The following CMYA5 variants were observed in gnomAD, a reference collection of about 807,000 sequenced individuals.
CMYA5 encodes cardiomyopathy-associated protein 5.
Under a neutral mutation model 318.9 loss-of-function variants are expected in CMYA5, and 246 were observed. The observed-to-expected ratio is 0.77, with a 90% CI of 0.70 to 0.86. The LOEUF is 0.86. CMYA5 is among the 40% of genes least tolerant of loss of function. CMYA5 has a pLI of 0.00. For synonymous variants in CMYA5, 1,641 were observed against 1,729.5 expected (o/e 0.95, Z 1.27); for missense variants, 4,589 against 4,678.2 (o/e 0.98, Z 0.56).
intron 6 of CMYA5, among the ~76,000 whole-genome samples, chr5:79,757,221 T>G (rs1828546687): frequency 6.6e-6 from 1 of 151,960 alleles, no homozygotes; most frequent in Non-Finnish European, 1.5e-5. Context: ...AGCATGCTAT[T>G]TTTTCAACTA....
rs769699893 is a variant in CMYA5, at chr5:79,733,140, G to A, written c.4375G>A (p.Val1459Ile). The A allele has an allele frequency of 8.1e-6, 13 of 1,613,698 alleles. No homozygotes were observed. Among genetic ancestry groups the A allele is most frequent in the East Asian group, 2.2e-5 (1 of 44,886 alleles). ...PSVSSIAEHSVLSEVEAKEVK... is the reference protein window; with the variant it reads ...PSVSSIAEHSILSEVEAKEVK... ...TGTCTCCTCTATAGCAGAGCATTCT[G>A]TTTTGTCAGAAGTAGAAGCCAAAGA... The change falls in exon 2 of 13, where the codon GTT becomes ATT. Residue 1459 changes from valine to isoleucine, a missense_variant. Transcript: ENST00000446378.
chr5:79,749,539 A>G (rs755887532), intron 5 of CMYA5, among the ~76,000 whole-genome samples: 10 of 152,226 alleles, frequency 6.6e-5, no homozygotes, highest in Non-Finnish European at 1.5e-4. Context: ...AAAAAACTCA[A>G]AGATGAACTG....
chr5:79,799,724 A>C lies in CMYA5; in HGVS notation c.*108A>C, dbSNP rs1047052009. The C allele has an allele frequency of 1.9e-5, 26 of 1,401,014 alleles. No homozygotes were observed. The highest frequency in any genetic ancestry group is 2.5e-5 in the Non-Finnish European group (26 of 1,051,386). 86.8% of individuals were successfully genotyped at this position (1,401,014 alleles called of 1,614,324 possible). A position where few individuals can be genotyped will look rare whatever the true frequency, so the allele number is the denominator to read the frequency against. On this transcript the variant is annotated 3_prime_UTR_variant, in exon 13 of 13. Coordinates refer to ENST00000446378, the MANE Select transcript of CMYA5 (RefSeq NM_153610.5). ...TTCAAAAAGTCTCCCGCGCATTTGC[A>C]CTAATGATGGCTGCATGCATAGCAA...
chr5:79,790,333 G>T (rs965943716), intron 10 of CMYA5, among the ~76,000 whole-genome samples: 29 of 151,910 alleles, frequency 1.9e-4, no homozygotes, highest in African/African-American at 6.3e-4. Flanking sequence ...GCAATGGCAC[G>T]ATCTCGGCTC....
chr5:79,757,825 T>A (rs1424825692), intron 6 of CMYA5, among the ~76,000 whole-genome samples: 1 of 152,242 alleles, frequency 6.6e-6, no homozygotes, highest in Non-Finnish European at 1.5e-5. Context: ...TATTCTCAAG[T>A]GATCCCATTT....
In CMYA5 at chr5:79,799,870, T is replaced by A; in HGVS notation, c.*254T>A. On this transcript the variant is annotated 3_prime_UTR_variant, in exon 13 of 13. Transcript: ENST00000446378. ...TATAAGTTTGAGTTCTTTCCTAAATTAAAAGATCTACACTTGAGTTGGGAA... is the reference window on the plus strand; with the variant it reads ...TATAAGTTTGAGTTCTTTCCTAAATAAAAAGATCTACACTTGAGTTGGGAA... The A allele has an allele frequency of 6.3e-5, 10 of 158,398 alleles. No homozygotes were observed. The highest frequency in any genetic ancestry group is 3.1e-4 in the South Asian group (2 of 6,384). 9.8% of individuals were successfully genotyped at this position (158,398 alleles called of 1,614,324 possible).
chr5:79,737,522 C>A lies in CMYA5; in HGVS notation c.8757C>A (p.Asp2919Glu). The A allele has an allele frequency of 6.2e-7, 1 of 1,613,444 alleles. No homozygotes were observed. Among genetic ancestry groups the A allele is most frequent in the East Asian group, 2.2e-5 (1 of 44,862 alleles). Residue 2919 changes from aspartate (D) to glutamate (E), a missense_variant, in exon 2 of 13, where the codon GAC becomes GAA. Physicochemically the swap from Asp to Glu is conservative, Grantham distance 45. Coordinates refer to ENST00000446378, the MANE Select transcript of CMYA5 (RefSeq NM_153610.5). ...SNKEMPKEPE[D>E]TYAKGEDFTV... The stretch of plus-strand genomic sequence containing the variant: ...AAGAAATGCCCAAGGAACCTGAAGA[C>A]ACATATGCAAAAGGTGAAGACTTTA...
Position 79,760,071 on chromosome 5 carries a change from TTTTG to T in CMYA5, c.11260+1179_11260+1182del, listed in dbSNP as rs527663191. ...ATCTTTCAGGCTCCAAAGTTTATTC[TTTTG>T]TTTGTTTGTCTCTGTGTGTGTTTTG... On this transcript the variant is annotated intron_variant, in intron 7 of 12. Coordinates refer to ENST00000446378, the MANE Select transcript of CMYA5 (RefSeq NM_153610.5). Among the ~76,000 whole-genome samples, 182 of 152,354 alleles carry T rather than the reference TTTTG, an allele frequency of 1.2e-3. 1 individual carries two copies. Among genetic ancestry groups the T allele is most frequent in the Admixed American group, 3.4e-3 (52 of 15,300 alleles).
chr5:79,771,190 A>G (rs1342515106), intron 9 of CMYA5, among the ~76,000 whole-genome samples: 1 of 152,150 alleles, frequency 6.6e-6, no homozygotes, highest in Non-Finnish European at 1.5e-5. Context: ...TAAAACAGAC[A>G]CTTTGAGAGG....
intron 12 of CMYA5, among the ~76,000 whole-genome samples, chr5:79,796,830 C>T (rs548358492): frequency 3.5e-5 from 5 of 144,740 alleles, no homozygotes; most frequent in Non-Finnish European, 6.0e-5. Flanking sequence ...TGCATTCATT[C>T]TTACATTTAA....
chr5:79,733,123 C>T lies in CMYA5; in HGVS notation c.4358C>T (p.Ser1453Phe), dbSNP rs1314199158. Residue 1453 changes from serine (S) to phenylalanine (F), a missense_variant, in exon 2 of 13, where the codon TCT (serine) becomes TTT (phenylalanine). This residue lies in a region of CMYA5 where 2,132 missense variants were observed against 2,131.3 expected (regional missense o/e 1.00). Transcript: ENST00000446378. ...IKFDSLPSVS[S>F]IAEHSVLSEV... ...TTTGATTCACTTCCAAGTGTCTCCTCTATAGCAGAGCATTCTGTTTTGTCA... is the reference window on the plus strand; with the variant it reads ...TTTGATTCACTTCCAAGTGTCTCCTTTATAGCAGAGCATTCTGTTTTGTCA... The T allele has an allele frequency of 6.2e-7, 1 of 1,613,804 alleles. No individual in the cohort carries two copies. The highest frequency in any genetic ancestry group is 8.5e-7 in the Non-Finnish European group (1 of 1,179,840).
At position 79,738,013 on chromosome 5, in the gene CMYA5, CAAAG is replaced by C. The variant is rs1321475713; in HGVS notation, c.9249_9252del (p.Glu3085LeufsTer10). ...AAATTAAATGTTGAAGAGAAACTCT[CAAAG>C]GAAGTTACAGAAGAAACTATCTCTT... On this transcript the variant is annotated frameshift_variant, in exon 2 of 13. Coordinates refer to ENST00000446378, the MANE Select transcript of CMYA5 (RefSeq NM_153610.5). LOFTEE classifies it high-confidence loss of function. 4.3e-6 allele frequency: 7 copies of C among 1,613,350 alleles called. No individual in the cohort carries two copies. Among genetic ancestry groups the C allele is most frequent in the Non-Finnish European group, 4.2e-6 (5 of 1,179,696 alleles).
rs149567448 is a variant in CMYA5, at chr5:79,693,909, G to A, written c.149+3853G>A. Among the ~76,000 whole-genome samples the A allele has an allele frequency of 9.6e-3, 1,459 of 152,300 alleles. 14 individuals carry two copies. The highest frequency in any genetic ancestry group is 0.065 in the Middle Eastern group (19 of 294). On this transcript the variant is annotated intron_variant, in intron 1 of 12. Transcript: ENST00000446378. ...AAGACAAATATAGCAGGATAAATGG[G>A]TGGGGTATATTTGGATGAGGTAGTG... is the stretch of plus-strand genomic sequence containing the variant.
rs1177937188 is a variant in CMYA5 at position 79,690,049 on chromosome 5, G to C, written c.142G>C (p.Asp48His). The change falls in exon 1 of 13, where the codon GAC (aspartate) becomes CAC (histidine). Residue 48 changes from aspartate to histidine, a missense_variant. Asp to His is a moderately conservative substitution (Grantham distance 81, BLOSUM62 -1). Transcript: ENST00000446378. ...ETAAESEEEP[D>H]SRLSDQDEEG... ...GGCGGCGGAGTCGGAGGAGGAGCCG[G>C]ACTCCAGGTAGCGCGAGCCTCTCTC... is the stretch of plus-strand genomic sequence containing the variant. 11 of 1,451,266 alleles carry C rather than the reference G, an allele frequency of 7.6e-6. No individual in the cohort carries two copies. The highest frequency in any genetic ancestry group is 1.0e-5 in the Non-Finnish European group (11 of 1,098,154). 89.9% of individuals were successfully genotyped at this position (1,451,266 alleles called of 1,614,324 possible).
Position 79,736,474 on chromosome 5 carries a change from G to C in CMYA5, c.7709G>C (p.Arg2570Thr). 6.2e-7 allele frequency: 1 copy of C among 1,610,918 alleles called. No homozygotes were observed. The highest frequency in any genetic ancestry group is 8.5e-7 in the Non-Finnish European group (1 of 1,178,292). The part of the protein sequence containing the change: ...YSVNVAESMS[R>T]ESDISLGHSL... ...GTGAATGTAGCCGAGTCTATGAGTA[G>C]AGAATCAGATATCTCTTTAGGTCAT... Residue 2570 changes from arginine to threonine, a missense_variant, in exon 2 of 13, where the codon AGA becomes ACA. Transcript: ENST00000446378.
intron 5 of CMYA5, among the ~76,000 whole-genome samples, chr5:79,748,535 A>G (rs1266574416): frequency 4.7e-5 from 7 of 147,674 alleles, no homozygotes; most frequent in Non-Finnish European, 1.0e-4. Context: ...CTATCTATCT[A>G]TCTATCTATC....
chr5:79,723,929 T>G (rs1827696257), intron 1 of CMYA5, among the ~76,000 whole-genome samples: 1 of 152,126 alleles, frequency 6.6e-6, no homozygotes. Context: ...GTTCAGGAGT[T>G]CAAGATTGGT....
At chr5:79,714,436 T>C (rs982755858) in intron 1 of CMYA5, among the ~76,000 whole-genome samples, 1 of 137,920 alleles carries the variant, frequency 7.3e-6, no homozygotes, top group Non-Finnish European at 1.6e-5. Flanking sequence ...TTTTTCTTTT[T>C]TTTTTTTTTT....
rs771599295 is a variant in CMYA5, at chr5:79,721,009, A to G, written c.150-7906A>G. Among the ~76,000 whole-genome samples the G allele has an allele frequency of 5.9e-5, 9 of 152,336 alleles. No homozygotes were observed. The Middle Eastern group carries it at 0.01, about 173-fold the overall frequency. ...TTAACATTTAGATTGAAAATACATAAGGACGTGTAAGTTGAAGTTAAAGGA... is the reference window on the plus strand; with the variant it reads ...TTAACATTTAGATTGAAAATACATAGGGACGTGTAAGTTGAAGTTAAAGGA... On this transcript the variant is annotated intron_variant, in intron 1 of 12. Transcript: ENST00000446378.
Sources: allele counts gnomAD v4.1 joint callset (sites outside exome capture counted in the v4.1 genomes callset), GRCh38; gene constraint gnomAD v4.1.1; regional missense constraint gnomAD v4.1.1; transcripts MANE v1.5; gene names NCBI Gene and HGNC (gene_info 2026-07-23, HGNC 2026-07-21).